RBFOX1: variants seen among roughly 807,000 people sequenced by gnomAD.
RBFOX1 encodes RNA binding protein fox-1 homolog 1.
RBFOX1 carries 8 observed loss-of-function variants against 57.7 expected under a neutral mutation model. The observed-to-expected ratio is 0.14, with a 90% CI of 0.08 to 0.25. The LOEUF is 0.25. Ranked by LOEUF, RBFOX1 falls within the 10% of genes least tolerant of loss-of-function variation. RBFOX1 has a pLI of 1.00. For synonymous variants in RBFOX1, 326 were observed against 222.4 expected, an observed-to-expected ratio of 1.47 and a Z score of -4.15; for missense variants, 611 against 548.5, an observed-to-expected ratio of 1.11 and a Z score of -1.14.
intron 1 of RBFOX1, among the ~76,000 whole-genome samples, chr16:5,249,932 GCAGTGAGGAGGAGGTTA>G (rs1472442754): frequency 1.1e-4 from 16 of 151,856 alleles, no homozygotes; most frequent in South Asian, 2.1e-4. Flanking sequence ...GGAGGAGGTT[GCAGTGAGGAGGAGGTTA>G]CAGTGAGGAG....
chr16:6,968,225 C>G (rs1408586889), intron 3 of RBFOX1, among the ~76,000 whole-genome samples: 1 of 152,212 alleles, frequency 6.6e-6, no homozygotes, highest in African/African-American at 2.4e-5. Context: ...AGGCTTTTCT[C>G]TGGTTGGTGC....
intron 3 of RBFOX1, among the ~76,000 whole-genome samples, chr16:6,762,674 G>C (rs1004237724): frequency 6.6e-6 from 1 of 152,114 alleles, no homozygotes; most frequent in South Asian, 2.1e-4. Context: ...TTGGCATTTG[G>C]TTATTTGTTT....
chr16:7,044,040 A>G (rs1400448305), intron 3 of RBFOX1, among the ~76,000 whole-genome samples: 1 of 152,148 alleles, frequency 6.6e-6, no homozygotes, highest in African/African-American at 2.4e-5. Context: ...TGTTCTCTGT[A>G]TTGTAATTAT....
At chr16:7,065,530 T>C (rs1185898295) in intron 4 of RBFOX1, among the ~76,000 whole-genome samples, 1 of 152,216 alleles carries the variant, frequency 6.6e-6, no homozygotes, top group African/African-American at 2.4e-5. Flanking sequence ...TTTCTAAAAT[T>C]GACAAATTAA....
chr16:5,778,317 C>T (rs185831061), intron 3 of RBFOX1, among the ~76,000 whole-genome samples: 86 of 152,256 alleles, frequency 5.6e-4, no homozygotes, highest in African/African-American at 2.0e-3. Flanking sequence ...TCCATGATCT[C>T]ATCTGATTTC....
chr16:6,670,369 C>A (rs1037780473), intron 3 of RBFOX1, among the ~76,000 whole-genome samples: 1 of 152,134 alleles, frequency 6.6e-6, no homozygotes, highest in African/African-American at 2.4e-5. Flanking sequence ...TGCTCCCAGA[C>A]AAACATATGT....
At chr16:7,040,680 CCT>C (rs1286530585) in intron 3 of RBFOX1, among the ~76,000 whole-genome samples, 3 of 151,936 alleles carry the variant, frequency 2.0e-5, no homozygotes, top group Non-Finnish European at 2.9e-5. Context: ...TGTGTGTGTA[CCT>C]TGTGTGTGTG....
chr16:7,108,102 T>C (rs2063939012), intron 4 of RBFOX1, among the ~76,000 whole-genome samples: 1 of 152,162 alleles, frequency 6.6e-6, no homozygotes, highest in Non-Finnish European at 1.5e-5. Context: ...ATTAGATGTG[T>C]GGATGACCAA....
chr16:7,277,118 T>C (rs1341744456), intron 4 of RBFOX1, among the ~76,000 whole-genome samples: 1 of 152,262 alleles, frequency 6.6e-6, no homozygotes, highest in African/African-American at 2.4e-5. Flanking sequence ...CCTTTGACTA[T>C]ACTGCTGTTC....
At chr16:7,347,229 G>A (rs1356974806) in intron 4 of RBFOX1, among the ~76,000 whole-genome samples, 1 of 152,154 alleles carries the variant, frequency 6.6e-6, no homozygotes, top group Non-Finnish European at 1.5e-5. Context: ...TCATGCTGCT[G>A]ATAAAGACAT....
At chr16:7,181,755 C>G (rs1393073901) in intron 4 of RBFOX1, among the ~76,000 whole-genome samples, 1 of 152,064 alleles carries the variant, frequency 6.6e-6, no homozygotes, top group East Asian at 1.9e-4. Context: ...GAGACACAGT[C>G]TTGCCATGTT....
chr16:6,993,743 C>G (rs1225115371), intron 3 of RBFOX1, among the ~76,000 whole-genome samples: 3 of 152,128 alleles, frequency 2.0e-5, no homozygotes, highest in African/African-American at 7.2e-5. Flanking sequence ...CAGCCCAGCT[C>G]CATGGGCATG....
chr16:5,623,497 C>T (rs2048258477), intron 3 of RBFOX1, among the ~76,000 whole-genome samples: 1 of 152,144 alleles, frequency 6.6e-6, no homozygotes, highest in African/African-American at 2.4e-5. Flanking sequence ...TGGACAGGCC[C>T]ATGAAGACTT....
intron 1 of RBFOX1, among the ~76,000 whole-genome samples, chr16:5,443,902 C>G (rs752697016): frequency 6.6e-6 from 1 of 151,892 alleles, no homozygotes; most frequent in African/African-American, 2.4e-5. Flanking sequence ...TCTTATTTGC[C>G]GAGGGGAGAT....
intron 3 of RBFOX1, among the ~76,000 whole-genome samples, chr16:5,627,959 G>C (rs1242465326): frequency 6.6e-6 from 1 of 152,170 alleles, no homozygotes; most frequent in Non-Finnish European, 1.5e-5. Flanking sequence ...GTGAGAAGAG[G>C]CCAAAGCAGC....
intron 4 of RBFOX1, among the ~76,000 whole-genome samples, chr16:7,369,358 A>G (rs2097527034): frequency 6.6e-6 from 1 of 152,132 alleles, no homozygotes; most frequent in African/African-American, 2.4e-5. Flanking sequence ...CCTAGCAAGA[A>G]GCAAAGGCAG....
chr16:6,879,783 T>C (rs1190510069), intron 3 of RBFOX1, among the ~76,000 whole-genome samples: 1 of 152,246 alleles, frequency 6.6e-6, no homozygotes, highest in African/African-American at 2.4e-5. Flanking sequence ...TCCTCTGATT[T>C]GACATTGGAA....
At chr16:5,865,210 T>C (rs956093933) in intron 3 of RBFOX1, among the ~76,000 whole-genome samples, 2 of 152,326 alleles carry the variant, frequency 1.3e-5, no homozygotes, top group South Asian at 2.1e-4. Flanking sequence ...TTCCCTGACA[T>C]ATTCCTGTTG....
chr16:6,238,173 C>T (rs2097521420), intron 1 of RBFOX1, among the ~76,000 whole-genome samples: 1 of 151,548 alleles, frequency 6.6e-6, no homozygotes, highest in Non-Finnish European at 1.5e-5. Flanking sequence ...GTATCTGCCA[C>T]TTAGATGACA....
Sources: allele counts gnomAD v4.1 joint callset (sites outside exome capture counted in the v4.1 genomes callset), GRCh38; gene constraint gnomAD v4.1.1; transcripts MANE v1.5; gene names NCBI Gene and HGNC (gene_info 2026-07-23, HGNC 2026-07-21).